LRP5: variants seen among roughly 807,000 people sequenced by gnomAD.
The protein encoded by LRP5 is LDL receptor related protein 5, also known as low-density lipoprotein receptor-related protein 5.
A neutral mutation model predicts 154.1 loss-of-function variants in LRP5; 62 were observed. The ratio of observed to expected loss-of-function variants is 0.40; its 90% CI spans 0.33 to 0.50. The LOEUF is 0.50. Ranked by LOEUF, LRP5 falls within the 20% of genes least tolerant of loss-of-function variation. The pLI, the probability that LRP5 is intolerant of heterozygous loss-of-function variation, is 0.55. For synonymous variants in LRP5, 966 were observed against 1,011.5 expected, an observed-to-expected ratio of 0.96 and a Z score of 0.85; for missense variants, 1,915 against 2,336.7, an observed-to-expected ratio of 0.82 and a Z score of 3.72.
chr11:68,402,220 G>A (rs491347), intron 7 of LRP5, among the ~76,000 whole-genome samples: 104,010 of 152,024 alleles, frequency 0.68, 37,290 homozygotes, highest in South Asian at 0.84. Flanking sequence ...TGGATGTTGC[G>A]CCTAACTCAA....
At chr11:68,410,690 C>T (rs1265490026) in intron 10 of LRP5, among the ~76,000 whole-genome samples, 1 of 152,192 alleles carries the variant, frequency 6.6e-6, no homozygotes, top group African/African-American at 2.4e-5. Flanking sequence ...TGCCAGGCGT[C>T]CTGGGGGCCC....
chr11:68,443,585 ATT>A (rs1219762322), intron 21 of LRP5, among the ~76,000 whole-genome samples: 1,294 of 24,152 alleles, frequency 0.054, 18 homozygotes, highest in Admixed American at 0.073. Flanking sequence ...ATATATATAT[ATT>A]TTTTTTTTTT....
intron 5 of LRP5, among the ~76,000 whole-genome samples, chr11:68,384,422 G>C (rs2098641892): frequency 6.6e-6 from 1 of 152,182 alleles, no homozygotes; most frequent in Admixed American, 6.5e-5. Flanking sequence ...CTGTGCAGGG[G>C]CATGGCCACA....
At chr11:68,408,852 G>A (rs866866995) in intron 9 of LRP5, among the ~76,000 whole-genome samples, 23 of 151,318 alleles carry the variant, frequency 1.5e-4, no homozygotes, top group African/African-American at 3.9e-4. Flanking sequence ...GTTTGAGACC[G>A]GCCTGGGCAA....
chr11:68,304,730 G>C, the LRP5 span, among the ~76,000 whole-genome samples: 1 of 152,260 alleles, frequency 6.6e-6, no homozygotes, highest in Non-Finnish European at 1.5e-5. Flanking sequence ...GGGACATGGA[G>C]TTTAAGGAGG....
At chr11:68,354,821 T>C (rs1420055304) in intron 2 of LRP5, among the ~76,000 whole-genome samples, 1 of 152,230 alleles carries the variant, frequency 6.6e-6, no homozygotes, top group East Asian at 1.9e-4. Flanking sequence ...AATTCCCACC[T>C]TCCCTTTGTT....
intron 17 of LRP5, among the ~76,000 whole-genome samples, chr11:68,430,877 C>A (rs751534918): frequency 1.4e-4 from 22 of 152,142 alleles, no homozygotes; most frequent in Non-Finnish European, 2.5e-4. Context: ...AGTTGAGTGA[C>A]CCTGGCTGGT....
rs767270901 is a variant in LRP5 at position 68,413,862 on chromosome 11, C to T, written c.2677C>T (p.Leu893=). ...CCACCTGGACTTCGTGATGGACATCCTGGTGTTCCACTCCTCCCGCCAGGA... is the reference window on the plus strand; with the variant it reads ...CCACCTGGACTTCGTGATGGACATCTTGGTGTTCCACTCCTCCCGCCAGGA... The part of the protein sequence containing the change: ...QGHLDFVMDI[L]VFHSSRQDGL... Residue 893 remains leucine, a synonymous_variant, in exon 12 of 23, where the codon CTG becomes TTG. Coordinates refer to ENST00000294304, the MANE Select transcript of LRP5 (RefSeq NM_002335.4). This position sits in a 1 kb window ranked among gnomAD's most constrained non-coding sequence, Gnocchi z 5.1. 3 of 1,613,474 alleles carry T rather than the reference C, an allele frequency of 1.9e-6. No individual in the cohort carries two copies. Among genetic ancestry groups the T allele is most frequent in the Middle Eastern group, 1.6e-4 (1 of 6,084 alleles).
At chr11:68,308,257 G>T (rs190458126), upstream of LRP5, among the ~76,000 whole-genome samples, 7 of 152,270 alleles carry the variant, frequency 4.6e-5, no homozygotes, top group Middle Eastern at 3.4e-3. Flanking sequence ...TGCCGGGTTG[G>T]GGGGGGCTCT....
Position 68,423,573 on chromosome 11 carries a change from C to G in LRP5, c.3112C>G (p.Leu1038Val). The change falls in exon 14 of 23, where the codon CTG becomes GTG. Residue 1038 changes from leucine (L) to valine (V), a missense_variant. By Grantham distance (32) the Leu-to-Val change is conservative (BLOSUM62 1). Coordinates refer to ENST00000294304, the MANE Select transcript of LRP5 (RefSeq NM_002335.4). This position sits in a 1 kb window ranked among gnomAD's most constrained non-coding sequence, Gnocchi z 4.7. ...DLSIDIYSRT[L>V]FWTCEATNTI... is the part of the protein sequence containing the mutation. ...CAGCATCGACATCTACAGCCGGACACTGTTCTGGACGTGCGAGGCCACCAA... is the reference window on the plus strand; with the variant it reads ...CAGCATCGACATCTACAGCCGGACAGTGTTCTGGACGTGCGAGGCCACCAA... 1 of 1,614,258 alleles carries G rather than the reference C, an allele frequency of 6.2e-7. No homozygotes were observed. The highest frequency in any genetic ancestry group is 8.5e-7 in the Non-Finnish European group (1 of 1,180,036).
intron 8 of LRP5, chr11:68,404,531 C>A (rs1018116796): frequency 4.1e-6 from 2 of 486,368 alleles, no homozygotes; most frequent in African/African-American, 2.0e-5. Context: ...GAAAGCACAG[C>A]CCCGTGGAAG....
intron 1 of LRP5, among the ~76,000 whole-genome samples, chr11:68,319,880 G>T (rs182383470): frequency 1.1e-3 from 168 of 152,178 alleles, no homozygotes; most frequent in African/African-American, 3.7e-3. Context: ...TATTGAGGCC[G>T]GGCACAGTGG....
intron 3 of LRP5, among the ~76,000 whole-genome samples, chr11:68,360,793 C>G (rs1398351232): frequency 2.8e-5 from 4 of 144,786 alleles, no homozygotes; most frequent in East Asian, 2.1e-4. Flanking sequence ...GTCAGGAGAT[C>G]GAGACCATCC....
At chr11:68,301,996 A>G in the LRP5 span, among the ~76,000 whole-genome samples, 2 of 151,344 alleles carry the variant, frequency 1.3e-5, no homozygotes, top group South Asian at 4.2e-4. Flanking sequence ...TCTTTCATCT[A>G]TTTTTGCCTG....
At chr11:68,415,734 G>A (rs1205256976) in intron 12 of LRP5, among the ~76,000 whole-genome samples, 1 of 41,760 alleles carries the variant, frequency 2.4e-5, no homozygotes, top group African/African-American at 5.0e-5. Context: ...CAACAAGAGC[G>A]AAACTCCATC....
At chr11:68,375,301 G>A (rs116127461) in intron 5 of LRP5, among the ~76,000 whole-genome samples, 116 of 152,292 alleles carry the variant, frequency 7.6e-4, no homozygotes, top group African/African-American at 2.6e-3. Context: ...CTGACACCTC[G>A]GGCTGCCGCT....
chr11:68,392,686 C>A (rs1428853963), intron 7 of LRP5, among the ~76,000 whole-genome samples: 1 of 152,134 alleles, frequency 6.6e-6, no homozygotes, highest in Non-Finnish European at 1.5e-5. Context: ...CCTCTGTCAA[C>A]CACTAATCTA....
In LRP5 at chr11:68,446,431, C is replaced by G; in HGVS notation, c.4489-5C>G. On this transcript the variant is annotated splice_region_variant and splice_polypyrimidine_tract_variant and intron_variant, in intron 21 of 22. Coordinates refer to ENST00000294304, the MANE Select transcript of LRP5 (RefSeq NM_002335.4). ...TCTAAGTCACCCTGGCTTGGCTCTC[C>G]TCAGATCCTGAACCCGCCGCCCTCC... is the stretch of plus-strand genomic sequence containing the variant. 6.2e-7 allele frequency: 1 copy of G among 1,607,206 alleles called. No homozygotes were observed. The highest frequency in any genetic ancestry group is 1.1e-5 in the South Asian group (1 of 90,968).
chr11:68,305,386 G>A, the LRP5 span, among the ~76,000 whole-genome samples: 1 of 151,942 alleles, frequency 6.6e-6, no homozygotes, highest in East Asian at 1.9e-4. Context: ...ACAGCCTGCA[G>A]AACCGGGAGC....
Sources: gnomAD v4.1 joint callset for allele counts (sites outside exome capture counted in the v4.1 genomes callset) on GRCh38, gnomAD v4.1.1 for gene constraint, Gnocchi (gnomAD v3.1) non-coding constraint, MANE v1.5 for transcripts, NCBI Gene and HGNC (gene_info 2026-07-23, HGNC 2026-07-21) for gene names.